HMGN5: variants seen among roughly 807,000 people sequenced by gnomAD.
HMGN5 encodes high mobility group nucleosome binding domain 5.
Under a neutral mutation model 9.5 loss-of-function variants are expected in HMGN5, and 4 were observed. That is an observed-to-expected ratio of 0.42 (90% CI 0.21 to 0.96). The LOEUF (loss-of-function observed/expected upper bound fraction) is 0.96, where lower values mean the gene tolerates loss of function less well. Ranked by LOEUF, HMGN5 falls within the 40% of genes least tolerant of loss-of-function variation. The pLI, the probability that HMGN5 is intolerant of heterozygous loss-of-function variation, is 0.30. For missense variants in HMGN5, 192 were observed against 187.5 expected (o/e 1.02, Z -0.14); for synonymous variants, 55 against 57.1 (o/e 0.96, Z 0.16).
At chrX:81,119,325 T>C (rs921150779) in intron 3 of HMGN5, among the ~76,000 whole-genome samples, 1 of 111,976 alleles carries the variant, frequency 8.9e-6, no homozygotes, top group Non-Finnish European at 1.9e-5. Flanking sequence ...GTAGGACATA[T>C]AGAAGATGGC....
intron 1 of HMGN5, among the ~76,000 whole-genome samples, chrX:81,200,429 A>G (rs2075522497): frequency 1.8e-5 from 2 of 112,216 alleles, no homozygotes; most frequent in Admixed American, 1.9e-4. Flanking sequence ...TTGCAGCACT[A>G]TTCATAATAG....
chrX:81,194,010 A>C, intron 1 of HMGN5, among the ~76,000 whole-genome samples: 1 of 111,823 alleles, frequency 8.9e-6, no homozygotes, highest in South Asian at 3.7e-4. Context: ...GACACCAGAA[A>C]CAGACTCACG....
intron 1 of HMGN5, among the ~76,000 whole-genome samples, chrX:81,159,452 A>G (rs1401642458): frequency 9.0e-6 from 1 of 111,522 alleles, no homozygotes; most frequent in African/African-American, 3.3e-5. Flanking sequence ...CATCTCTATC[A>G]ATACGTGTAG....
chrX:81,181,043 C>T, intron 1 of HMGN5, among the ~76,000 whole-genome samples: 1 of 109,831 alleles, frequency 9.1e-6, no homozygotes, highest in Admixed American at 9.8e-5. Flanking sequence ...ACACAGGGGC[C>T]TGTCAGGGGT....
intron 5 of HMGN5, 121 bp from the exon 6 acceptor site, chrX:81,116,462 T>G (rs1320898547): frequency 9.0e-6 from 4 of 443,492 alleles, no homozygotes; most frequent in Non-Finnish European, 1.5e-5. Context: ...AAGTATCACA[T>G]ATAAATCTGG....
intron 1 of HMGN5, among the ~76,000 whole-genome samples, chrX:81,192,982 A>G (rs966646732): frequency 1.8e-5 from 2 of 111,080 alleles, no homozygotes; most frequent in African/African-American, 3.3e-5. Flanking sequence ...ATTATTTTCA[A>G]TCGAGTGCTA....
At chrX:81,180,768 C>T (rs923513894) in intron 1 of HMGN5, among the ~76,000 whole-genome samples, 2 of 111,671 alleles carry the variant, frequency 1.8e-5, no homozygotes, top group Non-Finnish European at 3.8e-5. Flanking sequence ...TATTGCAGCA[C>T]TATTCACAAT....
intron 2 of HMGN5, among the ~76,000 whole-genome samples, chrX:81,120,275 T>A (rs777832763): frequency 1.9e-3 from 214 of 111,712 alleles, no homozygotes; most frequent in Middle Eastern, 9.2e-3. Flanking sequence ...CATGCAAGAA[T>A]TACAGCCCCC....
At chrX:81,200,455 A>G (rs1347830003) in intron 1 of HMGN5, among the ~76,000 whole-genome samples, 1 of 112,394 alleles carries the variant, frequency 8.9e-6, no homozygotes, top group Non-Finnish European at 1.9e-5. Flanking sequence ...ACTTGGAACC[A>G]ACTCAAATGT....
chrX:81,117,863 A>G (rs2075258588), intron 5 of HMGN5, among the ~76,000 whole-genome samples: 1 of 110,866 alleles, frequency 9.0e-6, no homozygotes. Flanking sequence ...TTCAATCAAT[A>G]TTCTTATGTA....
At chrX:81,163,665 A>G (rs1318724269) in intron 1 of HMGN5, among the ~76,000 whole-genome samples, 50 of 111,768 alleles carry the variant, frequency 4.5e-4, no homozygotes, top group Non-Finnish European at 5.3e-4. Context: ...CAACCTTTCT[A>G]CCTTCCTAAC....
chrX:81,181,894 C>T (rs1203006856), intron 1 of HMGN5, among the ~76,000 whole-genome samples: 1 of 112,057 alleles, frequency 8.9e-6, no homozygotes, highest in Non-Finnish European at 1.9e-5. Flanking sequence ...GGGAATAGGG[C>T]TGTAATAAAC....
chrX:81,150,655 A>G (rs771278528), intron 1 of HMGN5, among the ~76,000 whole-genome samples: 2 of 112,553 alleles, frequency 1.8e-5, no homozygotes, highest in South Asian at 7.3e-4. Flanking sequence ...TTTTGAAATG[A>G]AGAAAGCAAA....
chrX:81,153,581 CTCTATATATATATATATATA>C (rs2075372987), intron 1 of HMGN5, among the ~76,000 whole-genome samples: 1 of 9,626 alleles, frequency 1.0e-4, no homozygotes, highest in Non-Finnish European at 1.8e-4. Flanking sequence ...CTCTCTCTCT[CTCTATATATATATATATATA>C]TATATATATA....
At chrX:81,163,692 T>C (rs2075403672) in intron 1 of HMGN5, among the ~76,000 whole-genome samples, 1 of 111,940 alleles carries the variant, frequency 8.9e-6, no homozygotes, top group Non-Finnish European at 1.9e-5. Flanking sequence ...AATGAAACCT[T>C]TTCTCATAAG....
chrX:81,130,207 A>G (rs1230308995), intron 1 of HMGN5, among the ~76,000 whole-genome samples: 6 of 111,091 alleles, frequency 5.4e-5, no homozygotes, highest in Admixed American at 9.6e-5. Flanking sequence ...TAAGAATGGT[A>G]ACAAAGTAAG....
intron 1 of HMGN5, among the ~76,000 whole-genome samples, chrX:81,146,163 T>A (rs2075343126): frequency 9.0e-6 from 1 of 111,691 alleles, no homozygotes; most frequent in Non-Finnish European, 1.9e-5. Context: ...AAAAGACATC[T>A]ACAGAACTCT....
Position 81,118,722 on chromosome X carries a change from T to A in HMGN5, c.75+8A>T. The A allele has an allele frequency of 2.5e-6, 3 of 1,193,695 alleles. No individual in the cohort carries two copies. The highest frequency in any genetic ancestry group is 3.0e-5 in the East Asian group (1 of 33,542). ...ATACATGGGCTGCTTTTTGAAAAGA[T>A]TACTTACAGCAGACAACCTGGCAGA... On this transcript the variant is annotated splice_region_variant and intron_variant, in intron 4 of 6. Coordinates refer to ENST00000358130, the MANE Select transcript of HMGN5 (RefSeq NM_030763.3).
chrX:81,192,422 T>G (rs2147652667), intron 1 of HMGN5, among the ~76,000 whole-genome samples: 1 of 111,951 alleles, frequency 8.9e-6, no homozygotes, highest in Non-Finnish European at 1.9e-5. Flanking sequence ...GCCTATAGTT[T>G]ACTTTGTGGG....
Sources: gnomAD v4.1 joint callset for allele counts (sites outside exome capture counted in the v4.1 genomes callset) on GRCh38, gnomAD v4.1.1 for gene constraint, MANE v1.5 for transcripts, NCBI Gene and HGNC (gene_info 2026-07-23, HGNC 2026-07-21) for gene names.